The following STK32A variants were observed in gnomAD, a reference collection of about 807,000 sequenced individuals.
STK32A encodes the protein serine/threonine-protein kinase 32A.
A neutral mutation model predicts 53.2 loss-of-function variants in STK32A; 41 were observed. The ratio of observed to expected loss-of-function variants is 0.77; its 90% confidence interval spans 0.60 to 1.00. The LOEUF (loss-of-function observed/expected upper bound fraction) is 1.00. Ranked by LOEUF, STK32A falls within the 50% of genes least tolerant of loss-of-function variation. The pLI is 0.00. For missense variants in STK32A, 458 were observed against 485.8 expected, an observed-to-expected ratio of 0.94 and a Z score of 0.54; for synonymous variants, 166 against 162.8, an observed-to-expected ratio of 1.02 and a Z score of -0.15.
At chr5:147,270,246 C>A (rs898174986) in intron 2 of STK32A, among the ~76,000 whole-genome samples, 3 of 152,044 alleles carry the variant, frequency 2.0e-5, no homozygotes, top group African/African-American at 7.2e-5. Context: ...TCTCTGTCAC[C>A]CAGGCTGGGG....
Position 147,261,123 on chromosome 5 carries a change from G to C in STK32A, c.53-17001G>C, listed in dbSNP as rs574536062. ...CCCCTGAGGCTGCCACAAGGGGACG[G>C]GGTGCACCTCCTCAGGAGAGACAAC... On this transcript the variant is annotated intron_variant, in intron 2 of 12. Transcript: ENST00000397936. 5.3e-5 allele frequency among the ~76,000 whole-genome samples: 8 copies of C among 152,242 alleles called. No individual in the cohort carries two copies. The South Asian group carries it at 1.7e-3, about 32-fold the overall frequency.
chr5:147,338,104 GT>G (rs1045998494), intron 5 of STK32A, among the ~76,000 whole-genome samples: 42 of 152,270 alleles, frequency 2.8e-4, no homozygotes, highest in African/African-American at 1.0e-3. Context: ...ATATGGATGT[GT>G]TTTTGCTGTG....
chr5:147,379,529 C>T (rs1197816891), intron 11 of STK32A, among the ~76,000 whole-genome samples: 1 of 152,030 alleles, frequency 6.6e-6, no homozygotes, highest in Non-Finnish European at 1.5e-5. Flanking sequence ...GCTTTACTTT[C>T]CATTGCACTT....
chr5:147,306,508 C>A (rs1184932634), intron 4 of STK32A, among the ~76,000 whole-genome samples: 1 of 150,916 alleles, frequency 6.6e-6, no homozygotes, highest in Non-Finnish European at 1.5e-5. Flanking sequence ...ATCAAGTTGG[C>A]AATAATAAAT....
intron 6 of STK32A, among the ~76,000 whole-genome samples, chr5:147,344,819 C>G (rs917713254): frequency 2.0e-5 from 3 of 152,166 alleles, no homozygotes; most frequent in African/African-American, 4.8e-5. Context: ...TTTATAGAGG[C>G]CTTAAATGAA....
chr5:147,306,727 A>G (rs2151968704), intron 4 of STK32A, among the ~76,000 whole-genome samples: 1 of 152,254 alleles, frequency 6.6e-6, no homozygotes, highest in South Asian at 2.1e-4. Context: ...AGAAGTAGTG[A>G]ATTATCTAAG....
At chr5:147,355,630 A>G (rs1452213807) in intron 7 of STK32A, among the ~76,000 whole-genome samples, 5 of 152,110 alleles carry the variant, frequency 3.3e-5, no homozygotes, top group African/African-American at 1.2e-4. Context: ...GTGAGCAGAG[A>G]TCGCGCCACT....
At chr5:147,379,935 G>A (rs922443972) in intron 11 of STK32A, among the ~76,000 whole-genome samples, 1 of 151,678 alleles carries the variant, frequency 6.6e-6, no homozygotes, top group Non-Finnish European at 1.5e-5. Flanking sequence ...TCTCTTTATG[G>A]CTACTCCTGT....
intron 5 of STK32A, among the ~76,000 whole-genome samples, chr5:147,324,954 T>G (rs988643970): frequency 6.6e-6 from 1 of 152,178 alleles, no homozygotes; most frequent in Non-Finnish European, 1.5e-5. Context: ...TCAGCAAAGA[T>G]TCCACATTTC....
intron 4 of STK32A, among the ~76,000 whole-genome samples, chr5:147,288,194 A>G (rs1752434140): frequency 6.6e-6 from 1 of 152,174 alleles, no homozygotes; most frequent in Admixed American, 6.5e-5. Context: ...ACCTCCACCC[A>G]GTGATTCTGG....
At chr5:147,279,083 G>A (rs1325660566) in intron 3 of STK32A, among the ~76,000 whole-genome samples, 164 bp from the exon 4 acceptor site, 1 of 152,138 alleles carries the variant, frequency 6.6e-6, no homozygotes, top group African/African-American at 2.4e-5. Flanking sequence ...AAAAGAAAAT[G>A]AAATTTTTAA....
intron 8 of STK32A, among the ~76,000 whole-genome samples, chr5:147,368,448 A>AGT (rs59156712): frequency 0.036 from 5,401 of 150,908 alleles, 266 homozygotes; most frequent in African/African-American, 0.11. Flanking sequence ...CATTTATTTA[A>AGT]GTGTGTGTGT....
intron 4 of STK32A, among the ~76,000 whole-genome samples, chr5:147,288,223 AAACT>A (rs1344902616): frequency 6.6e-6 from 1 of 152,184 alleles, no homozygotes; most frequent in Admixed American, 6.5e-5. Context: ...TCAAAACTAG[AAACT>A]AACTGGGAGG....
intron 2 of STK32A, among the ~76,000 whole-genome samples, chr5:147,261,340 G>A (rs979403926): frequency 6.6e-6 from 1 of 152,230 alleles, no homozygotes; most frequent in African/African-American, 2.4e-5. Flanking sequence ...CTTGGACAAG[G>A]GAGGGGAAGG....
At chr5:147,302,807 T>A (rs1753205213) in intron 4 of STK32A, among the ~76,000 whole-genome samples, 1 of 152,178 alleles carries the variant, frequency 6.6e-6, no homozygotes, top group East Asian at 1.9e-4. Context: ...ATTTAGAAGA[T>A]CCTGAAATTT....
intron 4 of STK32A, among the ~76,000 whole-genome samples, chr5:147,311,690 C>T (rs13162117): frequency 4.6e-5 from 7 of 152,108 alleles, no homozygotes; most frequent in African/African-American, 1.7e-4. Flanking sequence ...CCTCAACCTC[C>T]TAAGTAGCTG....
rs191113174 is a variant in STK32A at position 147,252,846 on chromosome 5, A to T, written c.52+13160A>T. 4.5e-3 allele frequency among the ~76,000 whole-genome samples: 680 copies of T among 152,054 alleles called. 2 individuals carry two copies. Among genetic ancestry groups the T allele is most frequent in the Non-Finnish European group, 7.8e-3 (527 of 67,990 alleles). ...TGTTTTTCCTCTCACTAGAAAGTGA[A>T]CTCCATGAGGGCCAGGGATTTTTGC... On this transcript the variant is annotated intron_variant, in intron 2 of 12. Coordinates refer to ENST00000397936, the MANE Select transcript of STK32A (RefSeq NM_001112724.2).
intron 2 of STK32A, among the ~76,000 whole-genome samples, chr5:147,249,573 C>T (rs960238227): frequency 4.6e-5 from 7 of 151,866 alleles, no homozygotes; most frequent in Admixed American, 4.6e-4. Flanking sequence ...TCCATAAGTG[C>T]TATGTAGAGA....
chr5:147,275,376 G>T (rs1028595879), intron 2 of STK32A, among the ~76,000 whole-genome samples: 5 of 151,740 alleles, frequency 3.3e-5, no homozygotes, highest in African/African-American at 1.2e-4. Context: ...TGCCCAGGCT[G>T]GTGTGCAGTG....
Sources: gnomAD v4.1 joint callset for allele counts (sites outside exome capture counted in the v4.1 genomes callset) on GRCh38, gnomAD v4.1.1 for gene constraint, MANE v1.5 for transcripts, NCBI Gene and HGNC (gene_info 2026-07-23, HGNC 2026-07-21) for gene names.